Variants in KLF15 observed in about 807,000 individuals in gnomAD.
KLF15 encodes KLF transcription factor 15.
A neutral mutation model predicts 24.6 loss-of-function variants in KLF15; 4 were observed. The observed-to-expected ratio is 0.16, with a 90% CI of 0.08 to 0.37. The LOEUF is 0.37. KLF15 is among the 10% of genes least tolerant of loss of function. KLF15 has a pLI of 1.00. For missense variants in KLF15, 496 were observed against 560.6 expected (o/e 0.88, Z 1.16); for synonymous variants, 246 against 236.3 (o/e 1.04, Z -0.37).
the KLF15 span, among the ~76,000 whole-genome samples, chr3:126,323,421 A>ATAACATATATATGT: frequency 6.8e-3 from 242 of 35,412 alleles, 3 homozygotes; most frequent in South Asian, 0.015. Flanking sequence ...ATATATATAT[A>ATAACATATATATGT]TATATATATA....
At chr3:126,338,389 CCTT>C (rs1401816170), downstream of KLF15, among the ~76,000 whole-genome samples, 6 of 152,330 alleles carry the variant, frequency 3.9e-5, no homozygotes, top group Admixed American at 2.0e-4. Context: ...AGACAGGTGT[CCTT>C]CTTTCCTCTG....
At chr3:126,293,478 C>A in the KLF15 span, among the ~76,000 whole-genome samples, 2 of 152,180 alleles carry the variant, frequency 1.3e-5, no homozygotes, top group African/African-American at 4.8e-5. Flanking sequence ...AGAACCCAGA[C>A]ATGTCTGTAG....
the KLF15 span, among the ~76,000 whole-genome samples, chr3:126,298,420 GATT>G: frequency 4.9e-4 from 72 of 146,256 alleles, 1 homozygote; most frequent in South Asian, 4.4e-3. Context: ...TTACTCTGCT[GATT>G]ATTATTATTA....
downstream of KLF15, among the ~76,000 whole-genome samples, chr3:126,341,582 C>T (rs1337704734): frequency 1.3e-5 from 2 of 152,156 alleles, no homozygotes; most frequent in Admixed American, 6.5e-5. Flanking sequence ...GCCTCCTCCT[C>T]GGGACCATGG....
At chr3:126,320,920 C>T in the KLF15 span, among the ~76,000 whole-genome samples, 5 of 152,230 alleles carry the variant, frequency 3.3e-5, no homozygotes, top group East Asian at 5.8e-4. Flanking sequence ...ACAACACCCT[C>T]AGCTGCAGGG....
the KLF15 span, among the ~76,000 whole-genome samples, chr3:126,300,209 G>A: frequency 6.6e-6 from 1 of 152,250 alleles, no homozygotes; most frequent in East Asian, 1.9e-4. Flanking sequence ...ACCAGTTTCA[G>A]GAGTAATTGC....
downstream of KLF15, among the ~76,000 whole-genome samples, chr3:126,337,788 A>G (rs961116787): frequency 7.9e-5 from 12 of 152,172 alleles, no homozygotes; most frequent in Non-Finnish European, 1.5e-4. Flanking sequence ...CAATGACCCT[A>G]TGAGGAAGGT....
chr3:126,303,505 T>A, the KLF15 span, among the ~76,000 whole-genome samples: 2 of 152,164 alleles, frequency 1.3e-5, no homozygotes, highest in Non-Finnish European at 2.9e-5. Context: ...TATGCTGTTA[T>A]CCTTATCTTT....
At chr3:126,302,257 T>A in the KLF15 span, among the ~76,000 whole-genome samples, 7 of 152,228 alleles carry the variant, frequency 4.6e-5, no homozygotes, top group African/African-American at 1.7e-4. Context: ...TATGTGACCT[T>A]GGATCCTTTA....
the KLF15 span, among the ~76,000 whole-genome samples, chr3:126,315,288 T>G: frequency 6.6e-6 from 1 of 152,136 alleles, no homozygotes; most frequent in African/African-American, 2.4e-5. Context: ...GTTCACATTC[T>G]GAAGTACTGG....
chr3:126,319,622 A>G, the KLF15 span, among the ~76,000 whole-genome samples: 4,230 of 152,142 alleles, frequency 0.028, 190 homozygotes, highest in African/African-American at 0.096. Context: ...CAAGGTGTTC[A>G]TTTTCTTATT....
the KLF15 span, among the ~76,000 whole-genome samples, chr3:126,309,180 A>G: frequency 8.5e-5 from 13 of 152,226 alleles, no homozygotes; most frequent in Non-Finnish European, 1.8e-4. Flanking sequence ...AAAACAATGC[A>G]TGAAAGAACC....
intron 2 of KLF15, among the ~76,000 whole-genome samples, chr3:126,348,590 T>C (rs1170415355): frequency 6.6e-6 from 1 of 152,202 alleles, no homozygotes; most frequent in African/African-American, 2.4e-5. Flanking sequence ...AAAATGAAGA[T>C]TGGTGCCTAC....
chr3:126,293,259 G>A, the KLF15 span, among the ~76,000 whole-genome samples: 1 of 151,972 alleles, frequency 6.6e-6, no homozygotes, highest in Admixed American at 6.6e-5. Flanking sequence ...AGGGTACAAT[G>A]AGCCATGATT....
At chr3:126,324,465 C>G in the KLF15 span, among the ~76,000 whole-genome samples, 5 of 92,958 alleles carry the variant, frequency 5.4e-5, no homozygotes, top group Non-Finnish European at 8.4e-5. Flanking sequence ...AGTGCCATGT[C>G]TCTTTACCCA....
Position 126,352,021 on chromosome 3 carries a change from G to T in KLF15, c.902C>A (p.Ala301Asp). Reference sequence around the variant, plus strand: ...GAACTTCTGGCCCATGAGGAGACCGGCAGGGCCAGGCCCCAGGGGTCCCGA... The same window carrying T: ...GAACTTCTGGCCCATGAGGAGACCGTCAGGGCCAGGCCCCAGGGGTCCCGA... ...VGSGPLGPGP[A>D]GLLMGQKFPK... is the part of the protein sequence containing the mutation. Residue 301 changes from alanine to aspartate, a missense_variant, in exon 2 of 3, where the codon GCC becomes GAC. Ala to Asp is a moderately radical substitution (Grantham distance 126). Transcript: ENST00000296233. 1 of 1,543,166 alleles carries T rather than the reference G, an allele frequency of 6.5e-7. No individual in the cohort carries two copies. Among genetic ancestry groups the T allele is most frequent in the Non-Finnish European group, 8.7e-7 (1 of 1,143,210 alleles).
downstream of KLF15, among the ~76,000 whole-genome samples, chr3:126,338,856 C>A (rs2082457890): frequency 6.6e-6 from 1 of 152,226 alleles, no homozygotes; most frequent in African/African-American, 2.4e-5. Context: ...GAGCCGCCTG[C>A]TACAGACACT....
chr3:126,326,626 C>G, the KLF15 span, among the ~76,000 whole-genome samples: 7 of 152,138 alleles, frequency 4.6e-5, no homozygotes, highest in Admixed American at 1.3e-4. Flanking sequence ...GATCGCACAC[C>G]CTGAACGAAT....
the KLF15 span, among the ~76,000 whole-genome samples, chr3:126,318,894 C>G: frequency 6.6e-6 from 1 of 152,222 alleles, no homozygotes; most frequent in East Asian, 1.9e-4. Flanking sequence ...CAAACGTATC[C>G]ACCATTGTAG....
Sources: allele counts gnomAD v4.1 joint callset (sites outside exome capture counted in the v4.1 genomes callset), GRCh38; gene constraint gnomAD v4.1.1; transcripts MANE v1.5; gene names NCBI Gene and HGNC (gene_info 2026-07-23, HGNC 2026-07-21).